The following PRKCH variants were observed in gnomAD, a reference collection of about 807,000 sequenced individuals.
The protein encoded by PRKCH is protein kinase C eta type.
In PRKCH, 28 loss-of-function variants were observed where a neutral mutation model predicts 82.5. The observed-to-expected ratio is 0.34, with a 90% CI of 0.25 to 0.47. The LOEUF (loss-of-function observed/expected upper bound fraction) is 0.47. Among genes scored for constraint, PRKCH ranks in the 20% least tolerant of loss-of-function variants. The pLI, the probability that PRKCH is intolerant of heterozygous loss-of-function variation, is 1.00. For missense variants in PRKCH, 705 were observed against 881.8 expected (o/e 0.80, Z 2.54); for synonymous variants, 322 against 327.4 (o/e 0.98, Z 0.18).
chr14:61,296,195 C>A (rs1307083490), intron 1 of PRKCH, among the ~76,000 whole-genome samples: 4 of 152,104 alleles, frequency 2.6e-5, no homozygotes, highest in Admixed American at 1.3e-4. Flanking sequence ...AAAAGCAATT[C>A]TTATGGGGGA....
At chr14:61,455,703 GTCATTTGAA>G in intron 7 of PRKCH, among the ~76,000 whole-genome samples, 1 of 152,320 alleles carries the variant, frequency 6.6e-6, no homozygotes, top group South Asian at 2.1e-4. Context: ...CAGTGCACTT[GTCATTTGAA>G]TCAAGTATCC....
chr14:61,504,955 C>G (rs1263000254), intron 10 of PRKCH, among the ~76,000 whole-genome samples: 1 of 152,106 alleles, frequency 6.6e-6, no homozygotes, highest in African/African-American at 2.4e-5. Context: ...TAATAGTGAC[C>G]ACAATAGGCC....
At chr14:61,439,513 G>C (rs1183098924) in intron 2 of PRKCH, among the ~76,000 whole-genome samples, 3 of 152,202 alleles carry the variant, frequency 2.0e-5, no homozygotes, top group Admixed American at 2.0e-4. Context: ...GTTTGTCCAT[G>C]TCCCTGTATG....
intron 1 of PRKCH, among the ~76,000 whole-genome samples, chr14:61,335,784 A>T (rs1204402023): frequency 6.6e-6 from 1 of 152,240 alleles, no homozygotes; most frequent in East Asian, 1.9e-4. Flanking sequence ...TTTAAAGAAG[A>T]CACATTAACA....
At chr14:61,362,876 A>G (rs6573386) in intron 1 of PRKCH, among the ~76,000 whole-genome samples, 152,240 of 152,344 alleles carry the variant, frequency 1, 76,068 homozygotes, top group Non-Finnish European at 1. Flanking sequence ...CACAGGGGAT[A>G]CCAGTATCAA....
At chr14:61,541,782 C>A (rs2043189428) in intron 12 of PRKCH, among the ~76,000 whole-genome samples, 1 of 152,114 alleles carries the variant, frequency 6.6e-6, no homozygotes, top group South Asian at 2.1e-4. Context: ...CATTTGGGCC[C>A]AGTTATTTCA....
At chr14:61,203,870 A>G (rs1245189384) in intron 1 of PRKCH, among the ~76,000 whole-genome samples, 1 of 152,032 alleles carries the variant, frequency 6.6e-6, no homozygotes, top group African/African-American at 2.4e-5. Context: ...TATATTTCAT[A>G]TTGGCATCTA....
intron 1 of PRKCH, among the ~76,000 whole-genome samples, chr14:61,294,739 A>G (rs1222163534): frequency 1.3e-5 from 2 of 152,180 alleles, no homozygotes; most frequent in African/African-American, 4.8e-5. Flanking sequence ...TGTTGTTACA[A>G]ATGTGTTTGA....
chr14:61,467,771 A>G (rs1885324318), intron 9 of PRKCH, among the ~76,000 whole-genome samples: 1 of 152,218 alleles, frequency 6.6e-6, no homozygotes, highest in Non-Finnish European at 1.5e-5. Context: ...AGACCCTAGC[A>G]TATGTCCTAG....
At chr14:61,503,078 T>G (rs2139955558) in intron 10 of PRKCH, among the ~76,000 whole-genome samples, 1 of 149,418 alleles carries the variant, frequency 6.7e-6, no homozygotes, top group Non-Finnish European at 1.5e-5. Context: ...TGAAATCAAC[T>G]TACAAAACTG....
rs146060904 is a variant in PRKCH, at chr14:61,426,634, C to T, written c.428-16477C>T. Among the ~76,000 whole-genome samples the T allele has an allele frequency of 7.0e-3, 1,065 of 152,276 alleles. 4 individuals are homozygous for T. The highest frequency in any genetic ancestry group is 0.014 in the Middle Eastern group (4 of 294). Reference sequence around the variant, plus strand: ...TTTCTGTTTTGTTTAGAGTTTGCCACAAATACTGGAAGGAGAAAGTTTTCT... The same window carrying T: ...TTTCTGTTTTGTTTAGAGTTTGCCATAAATACTGGAAGGAGAAAGTTTTCT... On this transcript the variant is annotated intron_variant, in intron 2 of 13. Transcript: ENST00000332981.
At chr14:61,198,158 A>G (rs2044453757) in intron 1 of PRKCH, among the ~76,000 whole-genome samples, 5 of 151,768 alleles carry the variant, frequency 3.3e-5, no homozygotes, top group Admixed American at 2.6e-4. Context: ...CCGAGACTTC[A>G]TGTATTTAAG....
At chr14:61,473,230 C>T (rs578212188) in intron 9 of PRKCH, among the ~76,000 whole-genome samples, 74 of 151,716 alleles carry the variant, frequency 4.9e-4, no homozygotes, top group African/African-American at 1.6e-3. Context: ...TGGTTGGCGG[C>T]GGGGGTAGGG....
chr14:61,462,351 T>C (rs1188952422), intron 9 of PRKCH, among the ~76,000 whole-genome samples: 1 of 152,114 alleles, frequency 6.6e-6, no homozygotes, highest in African/African-American at 2.4e-5. Context: ...GATCGTGCCA[T>C]TGCACTCCAA....
intron 1 of PRKCH, among the ~76,000 whole-genome samples, chr14:61,267,571 A>G (rs1203454465): frequency 6.6e-6 from 1 of 152,212 alleles, no homozygotes; most frequent in Non-Finnish European, 1.5e-5. Context: ...GAGCTGATTC[A>G]TGTTGGCATC....
intron 1 of PRKCH, among the ~76,000 whole-genome samples, chr14:61,207,330 ACTTCCTGTCCCTGCTCTGGTTTCTC>A (rs1452838318): frequency 6.6e-6 from 1 of 152,032 alleles, no homozygotes; most frequent in Non-Finnish European, 1.5e-5. Flanking sequence ...ACTGCTTTCT[ACTTCCTGTCCCTGCTCTGGTTTCTC>A]CTTGTTTCCT....
In PRKCH at chr14:61,535,743, T is replaced by C. The variant is rs139481839; in HGVS notation, c.1761+5148T>C. ...CATGTGTAAAAGATCACCCTGGCTA[T>C]TGTATAAGGAGTGGACCAACAGACT... On this transcript the variant is annotated intron_variant, in intron 12 of 13. Coordinates refer to ENST00000332981, the MANE Select transcript of PRKCH (RefSeq NM_006255.5). 3.9e-5 allele frequency among the ~76,000 whole-genome samples: 6 copies of C among 152,370 alleles called. No individual in the cohort carries two copies. In the East Asian group the frequency reaches 1.2e-3, roughly 29 times the overall value.
intron 2 of PRKCH, among the ~76,000 whole-genome samples, chr14:61,428,682 G>C (rs537338228): frequency 1.3e-5 from 2 of 152,060 alleles, no homozygotes; most frequent in Non-Finnish European, 2.9e-5. Context: ...ACTTTACTTC[G>C]ATGTCTGAGT....
chr14:61,536,869 G>C (rs749676044), intron 12 of PRKCH, among the ~76,000 whole-genome samples: 1 of 151,978 alleles, frequency 6.6e-6, no homozygotes, highest in African/African-American at 2.4e-5. Context: ...CTCTCCACCC[G>C]CAACACCCCC....
Sources: gnomAD v4.1 joint callset for allele counts (sites outside exome capture counted in the v4.1 genomes callset) on GRCh38, gnomAD v4.1.1 for gene constraint, MANE v1.5 for transcripts, NCBI Gene and HGNC (gene_info 2026-07-23, HGNC 2026-07-21) for gene names.